The following N4BP2 variants were observed in gnomAD, a reference collection of about 807,000 sequenced individuals.
N4BP2 encodes NEDD4 binding protein 2.
N4BP2 carries 91 observed loss-of-function variants against 152.8 expected under a neutral mutation model. The ratio of observed to expected loss-of-function variants is 0.60; its 90% CI spans 0.50 to 0.71. N4BP2 has a LOEUF of 0.71. N4BP2 is among the 30% of genes least tolerant of loss of function. The probability of loss-of-function intolerance (pLI) is 0.00; values close to 1 mark genes in which losing one functional copy is unlikely to be tolerated. For missense variants in N4BP2, 1,923 were observed against 2,059.1 expected (o/e 0.93, Z 1.28); for synonymous variants, 646 against 705.3 (o/e 0.92, Z 1.33).
intron 16 of N4BP2, among the ~76,000 whole-genome samples, chr4:40,149,189 G>T (rs1720903127): frequency 6.6e-6 from 1 of 152,220 alleles, no homozygotes; most frequent in African/African-American, 2.4e-5. Context: ...CCAAAAGGTG[G>T]TGGTAACCTA....
At chr4:40,072,173 C>A (rs1285550238) in intron 1 of N4BP2, among the ~76,000 whole-genome samples, 1 of 151,494 alleles carries the variant, frequency 6.6e-6, no homozygotes, top group Non-Finnish European at 1.5e-5. Context: ...CTTCCGGGTT[C>A]AAGTGATTCT....
At chr4:40,160,333 G>T (rs1579178940), downstream of N4BP2, among the ~76,000 whole-genome samples, 2 of 152,282 alleles carry the variant, frequency 1.3e-5, no homozygotes, top group East Asian at 3.9e-4. Flanking sequence ...CGTATTTTTC[G>T]ATTTTGTGAT....
At chr4:40,119,480 C>T (rs181489921) in intron 8 of N4BP2, among the ~76,000 whole-genome samples, 14 of 152,170 alleles carry the variant, frequency 9.2e-5, no homozygotes, top group Admixed American at 7.9e-4. Flanking sequence ...TTCTCTTAAT[C>T]GGGCAAATAG....
Position 40,120,302 on chromosome 4 carries a change from G to A in N4BP2, c.2191G>A (p.Glu731Lys). The A allele has an allele frequency of 6.2e-7, 1 of 1,612,694 alleles. No individual in the cohort carries two copies. Among genetic ancestry groups the A allele is most frequent in the Non-Finnish European group, 8.5e-7 (1 of 1,179,644 alleles). The change falls in exon 9 of 18, where the codon GAA becomes AAA. Residue 731 changes from glutamate to lysine, a missense_variant. Coordinates refer to ENST00000261435, the MANE Select transcript of N4BP2 (RefSeq NM_018177.6). ...AGTATCACCTAGTACTTGCTGTAGT[G>A]AAAATAATCAAGAAGACTGTGATCT... is the stretch of plus-strand genomic sequence containing the variant. ...ERVSPSTCCS[E>K]NNQEDCDLAN... is the part of the protein sequence containing the mutation.
rs780422665 is a variant in N4BP2 at position 40,102,093 on chromosome 4, G to A, written c.248G>A (p.Cys83Tyr). Reference protein sequence around the residue: ...CDFKVENAMDCLLELSATDTK... With the variant: ...CDFKVENAMDYLLELSATDTK... Reference sequence around the variant, plus strand: ...TGTACAGTTGAAAATGCTATGGATTGTCTATTAGAATTATCTGCCACTGAT... The same window carrying A: ...TGTACAGTTGAAAATGCTATGGATTATCTATTAGAATTATCTGCCACTGAT... The change falls in exon 4 of 18, where the codon TGT becomes TAT. Residue 83 changes from cysteine to tyrosine, a missense_variant. Cys to Tyr is a radical substitution (Grantham distance 194). Transcript: ENST00000261435. The A allele has an allele frequency of 6.3e-7, 1 of 1,599,450 alleles. No homozygotes were observed. The highest frequency in any genetic ancestry group is 1.1e-5 in the South Asian group (1 of 89,352).
At chr4:40,110,622 C>T (rs367784842) in intron 5 of N4BP2, among the ~76,000 whole-genome samples, 23 of 152,306 alleles carry the variant, frequency 1.5e-4, no homozygotes, top group African/African-American at 4.8e-4. Context: ...ATTGCAACCT[C>T]CGCCTCCTGG....
At chr4:40,082,175 C>G (rs990423599) in intron 2 of N4BP2, among the ~76,000 whole-genome samples, 3 of 148,072 alleles carry the variant, frequency 2.0e-5, no homozygotes, top group Non-Finnish European at 4.4e-5. Flanking sequence ...AACTGGGAGA[C>G]TAAGGCAGGG....
In N4BP2 at chr4:40,157,098, A is replaced by G. The variant is rs1309953978; in HGVS notation, c.*2861A>G. On this transcript the variant is annotated 3_prime_UTR_variant, in exon 18 of 18. Coordinates refer to ENST00000261435, the MANE Select transcript of N4BP2 (RefSeq NM_018177.6). ...ATTATCTCCCAGATGGAAAAAGAGG[A>G]CTAATGTGGAAACCCCAGAGGGTGT... The G allele has an allele frequency of 1.3e-5, 2 of 152,114 alleles. No individual in the cohort carries two copies. Among genetic ancestry groups the G allele is most frequent in the African/African-American group, 4.8e-5 (2 of 41,430 alleles). 9.4% of individuals were successfully genotyped at this position (152,114 alleles called of 1,614,324 possible).
At chr4:40,128,547 T>TA (rs2110010218) in intron 12 of N4BP2, among the ~76,000 whole-genome samples, 1 of 151,724 alleles carries the variant, frequency 6.6e-6, no homozygotes, top group South Asian at 2.1e-4. Flanking sequence ...CTGTTTTTTT[T>TA]TTTTGAGTCT....
At chr4:40,067,896 T>C (rs1711707794) in intron 1 of N4BP2, among the ~76,000 whole-genome samples, 1 of 152,014 alleles carries the variant, frequency 6.6e-6, no homozygotes, top group Non-Finnish European at 1.5e-5. Flanking sequence ...GCCAGGCTGG[T>C]CTTGAACCCC....
intron 6 of N4BP2, among the ~76,000 whole-genome samples, chr4:40,112,876 G>A (rs762312751): frequency 1.1e-4 from 16 of 152,074 alleles, no homozygotes; most frequent in Non-Finnish European, 1.8e-4. Context: ...CTAATTGTTT[G>A]TATTTTTAGT....
chr4:40,182,838 A>T, the N4BP2 span, among the ~76,000 whole-genome samples: 1 of 151,940 alleles, frequency 6.6e-6, no homozygotes, highest in African/African-American at 2.4e-5. Flanking sequence ...CACCACGCCC[A>T]GCTAATGTTT....
chr4:40,135,596 CTTG>C (rs1166766385), intron 13 of N4BP2, among the ~76,000 whole-genome samples: 1 of 152,170 alleles, frequency 6.6e-6, no homozygotes, highest in East Asian at 1.9e-4. Flanking sequence ...AGAGTTTGCT[CTTG>C]TTGTTCAGGC....
At chr4:40,151,038 G>A (rs913910121) in intron 16 of N4BP2, among the ~76,000 whole-genome samples, 5 of 152,106 alleles carry the variant, frequency 3.3e-5, no homozygotes, top group African/African-American at 1.2e-4. Flanking sequence ...CCTTTCTAAG[G>A]CGTTAAACAG....
rs13102281 is a variant in N4BP2, at chr4:40,147,748, C to T, written c.5143+2948C>T. Among the ~76,000 whole-genome samples, 31 of 151,270 alleles carry T rather than the reference C, an allele frequency of 2.0e-4. 1 individual carries two copies. In the South Asian group the frequency reaches 5.2e-3, roughly 26 times the overall value. On this transcript the variant is annotated intron_variant, in intron 16 of 17. Transcript: ENST00000261435. ...CTTCCCAGACGGGGTGGCTGCCGGG[C>T]GGAGGGGCTTCTCACTTCTCAGATG...
At chr4:40,181,767 G>T in the N4BP2 span, among the ~76,000 whole-genome samples, 1 of 152,166 alleles carries the variant, frequency 6.6e-6, no homozygotes, top group Admixed American at 6.5e-5. Context: ...GGCCAACATG[G>T]TGAAACCCCG....
At chr4:40,057,215 C>G (rs972239756) in intron 1 of N4BP2, 185 bp downstream of exon 1, 3 of 152,226 alleles carry the variant, frequency 2.0e-5, no homozygotes, top group Non-Finnish European at 4.4e-5. Flanking sequence ...GCGGGCCCGG[C>G]TGCCCGGACG....
chr4:40,169,598 A>G, the N4BP2 span, among the ~76,000 whole-genome samples: 1 of 151,710 alleles, frequency 6.6e-6, no homozygotes, highest in Non-Finnish European at 1.5e-5. Flanking sequence ...AACCAAACCT[A>G]CAAAAGCCAG....
intron 2 of N4BP2, among the ~76,000 whole-genome samples, chr4:40,078,770 C>A (rs888854375): frequency 1.3e-5 from 2 of 151,980 alleles, no homozygotes; most frequent in Non-Finnish European, 2.9e-5. Context: ...TCAAGCAGTT[C>A]GCCCACTGTG....
Sources: gnomAD v4.1 joint callset for allele counts (sites outside exome capture counted in the v4.1 genomes callset) on GRCh38, gnomAD v4.1.1 for gene constraint, MANE v1.5 for transcripts, NCBI Gene and HGNC (gene_info 2026-07-23, HGNC 2026-07-21) for gene names.